Variants in SYT1 observed in about 807,000 individuals in gnomAD.
The protein encoded by SYT1 is synaptotagmin 1.
Under a neutral mutation model 44.8 loss-of-function variants are expected in SYT1, and 8 were observed. That is an observed-to-expected ratio of 0.18 (90% CI 0.10 to 0.32). The LOEUF (loss-of-function observed/expected upper bound fraction) is 0.32, where lower values mean the gene tolerates loss of function less well. SYT1 is among the 10% of genes least tolerant of loss of function. The pLI is 1.00. For synonymous variants in SYT1, 154 were observed against 188.8 expected (o/e 0.82, Z 1.51); for missense variants, 286 against 509.3 (o/e 0.56, Z 4.22).
chr12:79,189,835 C>T (rs1283681767), intron 3 of SYT1, among the ~76,000 whole-genome samples: 3 of 152,092 alleles, frequency 2.0e-5, no homozygotes, highest in Admixed American at 1.3e-4. Flanking sequence ...ACCCAGGAGG[C>T]GGAGGTTGCA....
chr12:79,271,846 G>T (rs931735010), intron 4 of SYT1, among the ~76,000 whole-genome samples: 1 of 152,268 alleles, frequency 6.6e-6, no homozygotes, highest in Non-Finnish European at 1.5e-5. Flanking sequence ...ATTTAAGTCG[G>T]TGAGAAAAAC....
intron 3 of SYT1, among the ~76,000 whole-genome samples, chr12:79,052,594 T>C (rs1428988922): frequency 6.6e-6 from 1 of 152,114 alleles, no homozygotes; most frequent in Non-Finnish European, 1.5e-5. Context: ...AGAAAATTTT[T>C]GCAATCTACT....
intron 9 of SYT1, among the ~76,000 whole-genome samples, chr12:79,377,788 C>T (rs1036074210): frequency 6.6e-6 from 1 of 152,102 alleles, no homozygotes; most frequent in Non-Finnish European, 1.5e-5. Context: ...AGACCTAGTC[C>T]AGGTCTAGGG....
chr12:79,178,942 A>ATC (rs1565840821), intron 3 of SYT1, among the ~76,000 whole-genome samples: 9 of 40,418 alleles, frequency 2.2e-4, no homozygotes, highest in African/African-American at 1.5e-3. Flanking sequence ...ATATAGATAT[A>ATC]GATATAGATA....
chr12:78,870,509 C>T (rs1873765238), intron 1 of SYT1, among the ~76,000 whole-genome samples: 1 of 152,034 alleles, frequency 6.6e-6, no homozygotes, highest in Non-Finnish European at 1.5e-5. Context: ...AGATAAAATG[C>T]ACATATGCAC....
At chr12:79,328,653 T>C (rs1881714678) in intron 8 of SYT1, among the ~76,000 whole-genome samples, 1 of 152,096 alleles carries the variant, frequency 6.6e-6, no homozygotes, top group Non-Finnish European at 1.5e-5. Flanking sequence ...GAGACCATCC[T>C]GGCTAACACA....
chr12:79,206,998 ATGT>A, intron 3 of SYT1, among the ~76,000 whole-genome samples: 1 of 152,300 alleles, frequency 6.6e-6, no homozygotes, highest in East Asian at 1.9e-4. Flanking sequence ...GACAATGAGC[ATGT>A]TTATTTTTTT....
chr12:78,981,800 C>A (rs1191146792), intron 2 of SYT1, among the ~76,000 whole-genome samples: 1 of 152,138 alleles, frequency 6.6e-6, no homozygotes, highest in African/African-American at 2.4e-5. Context: ...AATTTTGTTA[C>A]TTTTAGCCCA....
intron 1 of SYT1, among the ~76,000 whole-genome samples, chr12:78,865,427 A>C (rs1873483820): frequency 6.6e-6 from 1 of 150,756 alleles, no homozygotes; most frequent in African/African-American, 2.4e-5. Context: ...TTTCTCTCCC[A>C]CACCTCCCCT....
At chr12:79,179,551 A>AGATATATG (rs1565842606) in intron 3 of SYT1, among the ~76,000 whole-genome samples, 1 of 134,718 alleles carries the variant, frequency 7.4e-6, no homozygotes, top group African/African-American at 2.8e-5. Flanking sequence ...ATAGAGATAT[A>AGATATATG]GATATAGATT....
intron 8 of SYT1, among the ~76,000 whole-genome samples, chr12:79,335,693 A>G (rs1882059669): frequency 6.6e-6 from 1 of 152,194 alleles, no homozygotes; most frequent in Non-Finnish European, 1.5e-5. Flanking sequence ...TTTAGGGTCC[A>G]TCCATTCAAA....
chr12:78,960,859 A>T (rs1191840721), intron 1 of SYT1: 1 of 152,188 alleles, frequency 6.6e-6, no homozygotes, highest in African/African-American at 2.4e-5. Flanking sequence ...CTATTAGCCC[A>T]GTGGTCTGTG....
chr12:78,948,357 C>T (rs1878781254), intron 1 of SYT1, among the ~76,000 whole-genome samples: 1 of 151,916 alleles, frequency 6.6e-6, no homozygotes, highest in Non-Finnish European at 1.5e-5. Flanking sequence ...AGGTTAATTA[C>T]TGCCTTTTAA....
Position 78,902,837 on chromosome 12 carries a change from C to T in SYT1, c.-217+37728C>T, listed in dbSNP as rs967631618. ...CATCTGATACTCATGAAATTTGTAG[C>T]GTGCTGTGAAAGACTCTGACACTAT... On this transcript the variant is annotated intron_variant, in intron 1 of 10. Transcript: ENST00000261205. Among the ~76,000 whole-genome samples, 6 of 152,062 alleles carry T rather than the reference C, an allele frequency of 3.9e-5. No individual in the cohort carries two copies. The East Asian group carries it at 9.6e-4, about 24-fold the overall frequency.
chr12:79,247,781 A>C (rs1056409959), intron 4 of SYT1, among the ~76,000 whole-genome samples: 27 of 140,526 alleles, frequency 1.9e-4, no homozygotes, highest in African/African-American at 7.1e-4. Context: ...AAAAGAAAAC[A>C]AAAAAAAAAT....
intron 1 of SYT1, among the ~76,000 whole-genome samples, chr12:78,948,309 G>A (rs542521959): frequency 6.6e-5 from 10 of 151,760 alleles, no homozygotes; most frequent in African/African-American, 2.2e-4. Flanking sequence ...TTATTTCATC[G>A]AGAAATTAAC....
intron 3 of SYT1, among the ~76,000 whole-genome samples, chr12:79,164,434 T>A (rs1242088156): frequency 6.6e-6 from 1 of 152,098 alleles, no homozygotes; most frequent in Non-Finnish European, 1.5e-5. Flanking sequence ...TTAAAAAGTA[T>A]GTGAGTACGA....
intron 2 of SYT1, chr12:79,046,169 A>G (rs556435301): frequency 1.3e-5 from 2 of 152,320 alleles, no homozygotes; most frequent in African/African-American, 4.8e-5. Flanking sequence ...AAGGAAAAGC[A>G]GATCTTGGAG....
chr12:79,147,095 T>C (rs1869968003), intron 3 of SYT1, among the ~76,000 whole-genome samples: 1 of 152,112 alleles, frequency 6.6e-6, no homozygotes, highest in African/African-American at 2.4e-5. Context: ...TGCCTTGGCC[T>C]CCCAAAGTGC....
Sources: gnomAD v4.1 joint callset for allele counts (sites outside exome capture counted in the v4.1 genomes callset) on GRCh38, gnomAD v4.1.1 for gene constraint, MANE v1.5 for transcripts, NCBI Gene and HGNC (gene_info 2026-07-23, HGNC 2026-07-21) for gene names.